Variants in SDK1 observed in about 807,000 individuals in gnomAD.
SDK1 encodes the protein protein sidekick-1.
In SDK1, 157 loss-of-function variants were observed where a neutral mutation model predicts 245.5. The observed-to-expected ratio is 0.64, with a 90% CI of 0.56 to 0.73. The LOEUF is 0.73. SDK1 is among the 30% of genes least tolerant of loss of function. The pLI, the probability that SDK1 is intolerant of heterozygous loss-of-function variation, is 0.00. For missense variants in SDK1, 3,583 were observed against 3,002.3 expected (o/e 1.19, Z -4.52); for synonymous variants, 1,647 against 1,278.5 (o/e 1.29, Z -6.15).
chr7:3,807,485 C>T (rs1016348662), intron 4 of SDK1, among the ~76,000 whole-genome samples: 7 of 152,122 alleles, frequency 4.6e-5, no homozygotes, highest in Non-Finnish European at 8.8e-5. Flanking sequence ...TTTTGTGATC[C>T]CCTCTACCAT....
intron 14 of SDK1, among the ~76,000 whole-genome samples, chr7:3,989,749 GCAATTATTGAGATAA>G (rs1784156027): frequency 6.6e-6 from 1 of 152,120 alleles, no homozygotes; most frequent in Non-Finnish European, 1.5e-5. Flanking sequence ...CACGCCCCCA[GCAATTATTGAGATAA>G]CTCACTTTAT....
intron 4 of SDK1, among the ~76,000 whole-genome samples, chr7:3,784,231 T>A (rs1213794748): frequency 6.6e-6 from 1 of 152,028 alleles, no homozygotes; most frequent in South Asian, 2.1e-4. Context: ...TCAACTGATT[T>A]TCAACAAAGA....
intron 1 of SDK1, among the ~76,000 whole-genome samples, chr7:3,308,231 G>C (rs1779466848): frequency 6.6e-6 from 1 of 152,114 alleles, no homozygotes. Context: ...GAAGGGGCAA[G>C]GCTAACAAAT....
At chr7:3,942,165 C>G (rs1780394498) in intron 5 of SDK1, among the ~76,000 whole-genome samples, 1 of 152,218 alleles carries the variant, frequency 6.6e-6, no homozygotes, top group Non-Finnish European at 1.5e-5. Context: ...CCAAGCCTCC[C>G]AAAGTGCTGG....
chr7:3,306,658 G>C (rs554103249), intron 1 of SDK1, among the ~76,000 whole-genome samples: 3 of 152,248 alleles, frequency 2.0e-5, no homozygotes, highest in South Asian at 2.1e-4. Context: ...AAGTTAAGTG[G>C]GTAATTAAGT....
chr7:3,560,623 C>T (rs1779718815), intron 1 of SDK1, among the ~76,000 whole-genome samples: 3 of 152,178 alleles, frequency 2.0e-5, no homozygotes, highest in Non-Finnish European at 4.4e-5. Context: ...CCAGTCTCCA[C>T]ACAGCGTTGG....
rs1562496828 is a variant in SDK1, at chr7:4,265,596, T to A, written c.*212T>A. On this transcript the variant is annotated 3_prime_UTR_variant, in exon 45 of 45. Transcript: ENST00000404826. ...TGTAACTTCGCTGCAGGAAGCAGGTTTGTTTCTTTTTCTTTTCTTTTTAAG... is the reference window on the plus strand; with the variant it reads ...TGTAACTTCGCTGCAGGAAGCAGGTATGTTTCTTTTTCTTTTCTTTTTAAG... 7.5e-7 allele frequency: 1 copy of A among 1,340,508 alleles called. No individual in the cohort carries two copies. The highest frequency in any genetic ancestry group is 3.0e-5 in the East Asian group (1 of 32,996). The allele number at this position is 1,340,508 out of a possible 1,614,324, so 83.0% of individuals were successfully genotyped here. A position where few individuals can be genotyped will look rare whatever the true frequency, so the allele number is the denominator to read the frequency against.
At chr7:3,422,814 G>C (rs1487752350) in intron 1 of SDK1, among the ~76,000 whole-genome samples, 1 of 152,082 alleles carries the variant, frequency 6.6e-6, no homozygotes, top group East Asian at 1.9e-4. Flanking sequence ...GTTAATTCCT[G>C]GGAAAAATAC....
intron 32 of SDK1, among the ~76,000 whole-genome samples, chr7:4,167,197 G>A (rs768980992): frequency 6.6e-5 from 10 of 152,244 alleles, no homozygotes; most frequent in African/African-American, 2.2e-4. Flanking sequence ...TGAGACCATC[G>A]TGGCCAACAT....
intron 1 of SDK1, among the ~76,000 whole-genome samples, chr7:3,482,346 A>ACCGTCTTT (rs1477264200): frequency 2.0e-5 from 3 of 152,198 alleles, no homozygotes; most frequent in Non-Finnish European, 4.4e-5. Flanking sequence ...GACTGCCTTC[A>ACCGTCTTT]CCGTCTTTCT....
At chr7:3,361,695 A>T (rs1438625524) in intron 1 of SDK1, among the ~76,000 whole-genome samples, 2 of 152,210 alleles carry the variant, frequency 1.3e-5, no homozygotes, top group Admixed American at 1.3e-4. Flanking sequence ...ATTGGCTTAG[A>T]AATCACCTTT....
chr7:3,919,642 C>G (rs1490153575), intron 5 of SDK1, among the ~76,000 whole-genome samples: 2 of 152,182 alleles, frequency 1.3e-5, no homozygotes, highest in African/African-American at 4.8e-5. Flanking sequence ...AGCACCGGCT[C>G]TTAGAGCGCT....
intron 43 of SDK1, among the ~76,000 whole-genome samples, chr7:4,242,687 C>T (rs1366162038): frequency 6.6e-6 from 1 of 152,222 alleles, no homozygotes; most frequent in South Asian, 2.1e-4. Flanking sequence ...GCTTCTCTCC[C>T]TCAGCCAGAC....
chr7:4,130,180 C>T (rs1484110758), intron 27 of SDK1, 83 bp downstream of exon 27: 11 of 1,384,538 alleles, frequency 7.9e-6, no homozygotes, highest in Non-Finnish European at 1.1e-5. Flanking sequence ...ATTGTTGTCG[C>T]TTTTAACTTA....
At chr7:3,684,585 A>C (rs1784218140) in intron 4 of SDK1, among the ~76,000 whole-genome samples, 1 of 152,242 alleles carries the variant, frequency 6.6e-6, no homozygotes, top group Admixed American at 6.5e-5. Context: ...TGTGGGATAT[A>C]CCTGAAGACC....
At chr7:3,732,832 G>C (rs889126855) in intron 4 of SDK1, among the ~76,000 whole-genome samples, 7 of 152,218 alleles carry the variant, frequency 4.6e-5, no homozygotes, top group African/African-American at 1.4e-4. Flanking sequence ...TTGAGATGCA[G>C]GTGTGGTGAC....
At chr7:3,727,034 A>T (rs1779031005) in intron 4 of SDK1, among the ~76,000 whole-genome samples, 1 of 152,226 alleles carries the variant, frequency 6.6e-6, no homozygotes, top group South Asian at 2.1e-4. Context: ...TTTGACTGAC[A>T]GTCTTGGGAA....
chr7:4,000,509 G>C (rs560539571), intron 14 of SDK1, among the ~76,000 whole-genome samples: 67 of 152,230 alleles, frequency 4.4e-4, no homozygotes, highest in African/African-American at 1.4e-3. Context: ...GAGCTGCACG[G>C]CTGGGTTGGT....
intron 1 of SDK1, among the ~76,000 whole-genome samples, chr7:3,555,645 G>A (rs901396651): frequency 1.3e-5 from 2 of 152,078 alleles, no homozygotes; most frequent in Admixed American, 6.6e-5. Context: ...ACAATTCAGT[G>A]GGAGAAAATA....
Sources: allele counts gnomAD v4.1 joint callset (sites outside exome capture counted in the v4.1 genomes callset), GRCh38; gene constraint gnomAD v4.1.1; transcripts MANE v1.5; gene names NCBI Gene and HGNC (gene_info 2026-07-23, HGNC 2026-07-21).